The following CNTLN variants were observed in gnomAD, a reference collection of about 807,000 sequenced individuals.
CNTLN encodes centlein, centrosomal protein.
CNTLN carries 212 observed loss-of-function variants against 180.0 expected under a neutral mutation model. The observed-to-expected ratio is 1.18, with a 90% confidence interval of 1.05 to 1.32. The LOEUF is 1.32. Ranked by LOEUF, CNTLN falls within the 40% of genes most tolerant of loss-of-function variation. The pLI is 0.00. For synonymous variants in CNTLN, 722 were observed against 563.1 expected, an observed-to-expected ratio of 1.28 and a Z score of -3.99; for missense variants, 2,095 against 1,610.9, an observed-to-expected ratio of 1.30 and a Z score of -5.14.
In CNTLN at chr9:17,440,309, C is replaced by G. The variant is rs138549307; in HGVS notation, c.3115-17215C>G. 1.9e-3 allele frequency among the ~76,000 whole-genome samples: 289 copies of G among 151,304 alleles called. 1 individual carries two copies. Among genetic ancestry groups the G allele is most frequent in the African/African-American group, 6.8e-3 (279 of 41,128 alleles). ...GAAAACACGGCCGGGCATGGTGGCT[C>G]AAGCCTGTAATCCCAGCACTTTGGG... On this transcript the variant is annotated intron_variant, in intron 18 of 25. Coordinates refer to ENST00000380647, the MANE Select transcript of CNTLN (RefSeq NM_017738.4).
At chr9:17,420,735 A>G (rs1038853223) in intron 18 of CNTLN, among the ~76,000 whole-genome samples, 2 of 151,976 alleles carry the variant, frequency 1.3e-5, no homozygotes, top group Admixed American at 1.3e-4. Context: ...TGTGTTCCAT[A>G]GGTCTTGGTA....
chr9:17,430,656 T>C (rs1004688081), intron 18 of CNTLN, among the ~76,000 whole-genome samples: 3 of 152,104 alleles, frequency 2.0e-5, no homozygotes, highest in African/African-American at 7.2e-5. Context: ...ATTCCTTCTA[T>C]GTAACTGTAT....
rs1400114162 is a variant in CNTLN, at chr9:17,457,590, T to G, written c.3181T>G (p.Ser1061Ala). 4.5e-6 allele frequency: 7 copies of G among 1,559,050 alleles called. No homozygotes were observed. Among genetic ancestry groups the G allele is most frequent in the Non-Finnish European group, 6.1e-6 (7 of 1,150,832 alleles). ...KEDLLKKLES[S>A]SEITSLAEEN... ...AGATTTACTAAAGAAATTGGAGTCC[T>G]CATCTGAAATCACAAGTTTGGCAGA... The change falls in exon 19 of 26, where the codon TCA becomes GCA. Residue 1061 changes from serine to alanine, a missense_variant. Coordinates refer to ENST00000380647, the MANE Select transcript of CNTLN (RefSeq NM_017738.4).
chr9:17,187,807 C>G (rs916991120), intron 2 of CNTLN, among the ~76,000 whole-genome samples: 4 of 151,390 alleles, frequency 2.6e-5, no homozygotes, highest in African/African-American at 9.7e-5. Context: ...GCTTGAAAAT[C>G]TTGAGTCCAA....
intron 19 of CNTLN, among the ~76,000 whole-genome samples, chr9:17,461,232 G>A (rs1831429529): frequency 6.6e-6 from 1 of 151,454 alleles, no homozygotes; most frequent in South Asian, 2.1e-4. Flanking sequence ...AATCATGGGT[G>A]TCCGTATTTC....
intron 23 of CNTLN, among the ~76,000 whole-genome samples, chr9:17,480,829 A>T (rs779337631): frequency 2.6e-5 from 4 of 152,222 alleles, no homozygotes; most frequent in Non-Finnish European, 5.9e-5. Flanking sequence ...AGAATATTAA[A>T]ACCTTTGTAA....
chr9:17,472,133 T>A (rs1207959000), intron 23 of CNTLN, among the ~76,000 whole-genome samples: 1 of 152,158 alleles, frequency 6.6e-6, no homozygotes, highest in Non-Finnish European at 1.5e-5. Flanking sequence ...ATGGAATATA[T>A]CATGTAGTAA....
intron 2 of CNTLN, among the ~76,000 whole-genome samples, chr9:17,209,907 T>G (rs1410744282): frequency 6.6e-6 from 1 of 152,176 alleles, no homozygotes; most frequent in Non-Finnish European, 1.5e-5. Context: ...TAATCTAAAC[T>G]TGAAAAGTAA....
At chr9:17,405,196 C>T (rs1166382322) in intron 15 of CNTLN, among the ~76,000 whole-genome samples, 1 of 151,656 alleles carries the variant, frequency 6.6e-6, no homozygotes, top group South Asian at 2.1e-4. Flanking sequence ...CTTCTTCTCA[C>T]TGATATTTAA....
chr9:17,261,179 A>C (rs113844623), intron 5 of CNTLN, among the ~76,000 whole-genome samples: 3 of 151,558 alleles, frequency 2.0e-5, no homozygotes, highest in African/African-American at 7.3e-5. Context: ...TTTCATATAA[A>C]TTTTGGAATA....
chr9:17,494,930 G>C, intron 25 of CNTLN: 1 of 408,146 alleles, frequency 2.5e-6, no homozygotes, highest in South Asian at 1.7e-5. Context: ...CTCCCAGGCT[G>C]AAGTGCAATG....
intron 2 of CNTLN, among the ~76,000 whole-genome samples, chr9:17,219,907 C>G (rs753924683): frequency 3.3e-5 from 5 of 151,684 alleles, no homozygotes; most frequent in Admixed American, 6.6e-5. Context: ...TCTAGTGTCC[C>G]CTCTCATTAA....
At chr9:17,136,946 C>A (rs1376308981) in intron 1 of CNTLN, among the ~76,000 whole-genome samples, 7 of 152,180 alleles carry the variant, frequency 4.6e-5, no homozygotes, top group Admixed American at 4.6e-4. Flanking sequence ...ATTTTCCGCA[C>A]TCTTTCCTCC....
intron 5 of CNTLN, among the ~76,000 whole-genome samples, chr9:17,261,532 A>C (rs568745370): frequency 1.3e-5 from 2 of 151,450 alleles, no homozygotes; most frequent in Non-Finnish European, 2.9e-5. Context: ...TTGTATCCTG[A>C]AACTTTACTG....
intron 25 of CNTLN, among the ~76,000 whole-genome samples, chr9:17,490,670 C>T (rs900667994): frequency 2.0e-5 from 3 of 151,666 alleles, no homozygotes; most frequent in South Asian, 4.2e-4. Context: ...CACAATTTTG[C>T]GAATGTACTA....
intron 2 of CNTLN, among the ~76,000 whole-genome samples, chr9:17,180,081 T>G: frequency 6.6e-6 from 1 of 151,980 alleles, no homozygotes; most frequent in South Asian, 2.1e-4. Context: ...TTTCTTTTAG[T>G]TACTATATAG....
chr9:17,244,215 T>C, intron 5 of CNTLN, among the ~76,000 whole-genome samples: 1 of 138,404 alleles, frequency 7.2e-6, no homozygotes, highest in East Asian at 2.4e-4. Flanking sequence ...GGTTTTTGTT[T>C]TTGTTTTTTT....
intron 5 of CNTLN, among the ~76,000 whole-genome samples, chr9:17,237,857 A>G (rs1334588122): frequency 1.3e-5 from 2 of 152,156 alleles, no homozygotes; most frequent in East Asian, 1.9e-4. Flanking sequence ...ATTTAAGTCT[A>G]TTAGTGCACA....
At chr9:17,158,635 T>C (rs148553826) in intron 2 of CNTLN, among the ~76,000 whole-genome samples, 1,607 of 152,182 alleles carry the variant, frequency 0.011, 31 homozygotes, top group African/African-American at 0.037. Flanking sequence ...TCACATTTCT[T>C]CTAGGTTATC....
Sources: allele counts gnomAD v4.1 joint callset (sites outside exome capture counted in the v4.1 genomes callset), GRCh38; gene constraint gnomAD v4.1.1; transcripts MANE v1.5; gene names NCBI Gene and HGNC (gene_info 2026-07-23, HGNC 2026-07-21).